ANXA2: variants seen among roughly 807,000 people sequenced by gnomAD.
ANXA2 encodes annexin II.
Under a neutral mutation model 47.3 loss-of-function variants are expected in ANXA2, and 28 were observed. The observed-to-expected ratio is 0.59, with a 90% CI of 0.44 to 0.81. The LOEUF is 0.81. Ranked by LOEUF, ANXA2 falls within the 40% of genes least tolerant of loss-of-function variation. The pLI, the probability that ANXA2 is intolerant of heterozygous loss-of-function variation, is 0.00. For missense variants in ANXA2, 384 were observed against 414.3 expected, an observed-to-expected ratio of 0.93 and a Z score of 0.64; for synonymous variants, 172 against 155.5, an observed-to-expected ratio of 1.11 and a Z score of -0.79.
intron 1 of ANXA2, 94 bp from the exon 2 acceptor site, chr15:60,386,180 C>T (rs1443123916): frequency 2.3e-6 from 2 of 856,604 alleles, no homozygotes; most frequent in Non-Finnish European, 3.8e-6. Context: ...CTCCTTGGAC[C>T]ATTTCATCTG....
chr15:60,374,191 TG>T (rs113803350), intron 3 of ANXA2, among the ~76,000 whole-genome samples: 2,501 of 152,328 alleles, frequency 0.016, 70 homozygotes, highest in African/African-American at 0.057. Context: ...ATCATCGACT[TG>T]GTAATCTCAC....
chr15:60,353,309 C>T (rs573697509), intron 8 of ANXA2, among the ~76,000 whole-genome samples: 28 of 152,290 alleles, frequency 1.8e-4, no homozygotes, highest in Non-Finnish European at 2.9e-5. Flanking sequence ...TCTTATTCAG[C>T]CAGAAAAGGA....
rs936701835 is a variant in ANXA2, at chr15:60,352,075, T to C, written c.683-256A>G. On this transcript the variant is annotated intron_variant, in intron 9 of 12. Transcript: ENST00000451270. The surrounding 1 kb of genome is among the most constrained non-coding windows in gnomAD (Gnocchi z 4.2). ...CTCTATCTCCCCTGAGTGGAACCCA[T>C]TCCATCCGAAAACCATAGGAAACAG... 2.0e-5 allele frequency among the ~76,000 whole-genome samples: 3 copies of C among 152,092 alleles called. No individual in the cohort carries two copies. The highest frequency in any genetic ancestry group is 7.2e-5 in the African/African-American group (3 of 41,404).
At position 60,385,717 on chromosome 15, in the gene ANXA2, A is replaced by G. The variant is rs553544056; in HGVS notation, c.48+311T>C. ...TAATAAAATCCCAGGACATGACATT[A>G]AAAGTCATGTACCATCATAACAGTT... On this transcript the variant is annotated intron_variant, in intron 2 of 12. Transcript: ENST00000451270. 8.6e-5 allele frequency: 22 copies of G among 254,676 alleles called. No homozygotes were observed. In the South Asian group the frequency reaches 2.2e-3, roughly 25 times the overall value. 15.8% of individuals were successfully genotyped at this position (254,676 alleles called of 1,614,324 possible). A position where few individuals can be genotyped will look rare whatever the true frequency, so the allele number is the denominator to read the frequency against.
At chr15:60,397,413 C>G (rs2063095398) in intron 1 of ANXA2, 1 of 723,506 alleles carries the variant, frequency 1.4e-6, no homozygotes, top group Admixed American at 6.2e-5. Context: ...TCACACTCCC[C>G]CCTCTCGTCT....
chr15:60,352,672 T>C lies in ANXA2; in HGVS notation c.589-196A>G, dbSNP rs145003552. Among the ~76,000 whole-genome samples, 142 of 152,318 alleles carry C rather than the reference T, an allele frequency of 9.3e-4. No homozygotes were observed. The highest frequency in any genetic ancestry group is 3.3e-3 in the African/African-American group (138 of 41,572). On this transcript the variant is annotated intron_variant, in intron 8 of 12. Coordinates refer to ENST00000451270, the MANE Select transcript of ANXA2 (RefSeq NM_004039.3). This position sits in a 1 kb window ranked among gnomAD's most constrained non-coding sequence, Gnocchi z 4.2. Reference sequence around the variant, plus strand: ...ACAAGCAGTCTTCCTTAGGCACAGATGGATACCATATGAGACTGCAGATAG... The same window carrying C: ...ACAAGCAGTCTTCCTTAGGCACAGACGGATACCATATGAGACTGCAGATAG...
chr15:60,348,245 C>T (rs562726158), intron 12 of ANXA2, among the ~76,000 whole-genome samples: 21 of 152,158 alleles, frequency 1.4e-4, no homozygotes, highest in Non-Finnish European at 2.6e-4. Context: ...CTTTGGACAT[C>T]TGAGGAACTT....
chr15:60,360,456 C>G (rs1376033021), intron 5 of ANXA2, among the ~76,000 whole-genome samples: 1 of 152,186 alleles, frequency 6.6e-6, no homozygotes, highest in Non-Finnish European at 1.5e-5. Context: ...TACGATTCTT[C>G]ATCCAGAATT....
intron 1 of ANXA2, among the ~76,000 whole-genome samples, chr15:60,395,036 T>A (rs1256354830): frequency 2.0e-5 from 3 of 152,152 alleles, no homozygotes; most frequent in African/African-American, 7.2e-5. Context: ...TTCTCACAAT[T>A]GAATCTGGAA....
chr15:60,351,885 C>G (rs1413274601), intron 9 of ANXA2, 66 bp from the exon 10 acceptor site: 12 of 1,113,708 alleles, frequency 1.1e-5, no homozygotes, highest in Non-Finnish European at 1.6e-5. Context: ...CGATCACCCA[C>G]CTAGTTTTAT....
intron 3 of ANXA2, among the ~76,000 whole-genome samples, chr15:60,380,238 C>T (rs1462381957): frequency 6.6e-6 from 1 of 152,124 alleles, no homozygotes; most frequent in East Asian, 1.9e-4. Context: ...TACTTTACAA[C>T]AATCCCGTGA....
At chr15:60,374,566 T>C (rs2062752671) in intron 3 of ANXA2, 2 of 455,688 alleles carry the variant, frequency 4.4e-6, no homozygotes, top group Non-Finnish European at 8.8e-6. Context: ...GCTAACTGTT[T>C]TTTAAAAAAA....
chr15:60,375,359 C>G (rs949015801), intron 3 of ANXA2, among the ~76,000 whole-genome samples: 1 of 152,112 alleles, frequency 6.6e-6, no homozygotes, highest in African/African-American at 2.4e-5. Flanking sequence ...CAAAGCTGTA[C>G]CAGTTTATTG....
At chr15:60,361,362 A>G in intron 4 of ANXA2, 1 of 329,938 alleles carries the variant, frequency 3.0e-6, no homozygotes, top group Non-Finnish European at 5.8e-6. Context: ...GCACTTTGCA[A>G]TATGCTTGAA....
chr15:60,368,539 A>G (rs2062669335), intron 3 of ANXA2, among the ~76,000 whole-genome samples: 1 of 152,068 alleles, frequency 6.6e-6, no homozygotes, highest in Admixed American at 6.5e-5. Context: ...ATGTTGGAAA[A>G]TATCCACAAT....
intron 10 of ANXA2, 175 bp downstream of exon 10, chr15:60,351,549 G>C (rs1896013013): frequency 9.6e-6 from 6 of 628,166 alleles, no homozygotes; most frequent in Non-Finnish European, 1.7e-5. Context: ...CTGTTACCAA[G>C]TTAGGCCTTT....
chr15:60,389,463 C>A (rs1353412552), intron 1 of ANXA2, among the ~76,000 whole-genome samples: 2 of 152,192 alleles, frequency 1.3e-5, no homozygotes, highest in Non-Finnish European at 1.5e-5. Flanking sequence ...ACATGGGACT[C>A]CCCAGTACTG....
chr15:60,355,746 C>T, intron 7 of ANXA2, 173 bp downstream of exon 7: 1 of 696,126 alleles, frequency 1.4e-6, no homozygotes, highest in Non-Finnish European at 2.7e-6. Flanking sequence ...ATAAGAAATC[C>T]TATTATACAA....
intron 3 of ANXA2, among the ~76,000 whole-genome samples, chr15:60,376,015 G>A (rs963534809): frequency 1.3e-5 from 2 of 152,146 alleles, no homozygotes; most frequent in Non-Finnish European, 2.9e-5. Flanking sequence ...GTAGAGGGCC[G>A]TGAACAGAGC....
Sources: gnomAD v4.1 joint callset for allele counts (sites outside exome capture counted in the v4.1 genomes callset) on GRCh38, gnomAD v4.1.1 for gene constraint, Gnocchi (gnomAD v3.1) non-coding constraint, MANE v1.5 for transcripts, NCBI Gene and HGNC (gene_info 2026-07-23, HGNC 2026-07-21) for gene names.